LINGO2: variants seen among roughly 807,000 people sequenced by gnomAD.
The protein encoded by LINGO2 is leucine-rich repeat and immunoglobulin-like domain-containing nogo receptor-interacting protein 2.
LINGO2 carries 14 observed loss-of-function variants against 30.6 expected under a neutral mutation model. The ratio of observed to expected loss-of-function variants is 0.46; its 90% CI spans 0.30 to 0.72. The LOEUF (loss-of-function observed/expected upper bound fraction) is 0.72, where lower values mean the gene tolerates loss of function less well. Ranked by LOEUF, LINGO2 falls within the 30% of genes least tolerant of loss-of-function variation. LINGO2 has a pLI of 0.07. For missense variants in LINGO2, 729 were observed against 751.7 expected, an observed-to-expected ratio of 0.97 and a Z score of 0.35; for synonymous variants, 317 against 288.5, an observed-to-expected ratio of 1.10 and a Z score of -1.00.
chr9:28,042,073 A>G (rs1166922653), intron 4 of LINGO2, among the ~76,000 whole-genome samples: 1 of 152,212 alleles, frequency 6.6e-6, no homozygotes, highest in African/African-American at 2.4e-5. Flanking sequence ...AAATTTACCT[A>G]CATACATACT....
intron 4 of LINGO2, among the ~76,000 whole-genome samples, chr9:28,097,217 A>T (rs1826270050): frequency 6.6e-6 from 1 of 152,114 alleles, no homozygotes; most frequent in African/African-American, 2.4e-5. Flanking sequence ...AGAAATAGGA[A>T]CACTTTTACA....
At chr9:28,093,580 A>T (rs564047950) in intron 4 of LINGO2, among the ~76,000 whole-genome samples, 1 of 152,136 alleles carries the variant, frequency 6.6e-6, no homozygotes, top group Non-Finnish European at 1.5e-5. Flanking sequence ...TTTTCTAATT[A>T]ATTATTAATG....
the LINGO2 span, among the ~76,000 whole-genome samples, chr9:29,211,731 T>A: frequency 6.6e-6 from 1 of 152,034 alleles, no homozygotes; most frequent in African/African-American, 2.4e-5. Flanking sequence ...GTGGTACTCG[T>A]TTTCTCCACC....
intron 4 of LINGO2, among the ~76,000 whole-genome samples, chr9:28,054,488 G>T (rs75516240): frequency 6.6e-6 from 1 of 152,062 alleles, no homozygotes; most frequent in Non-Finnish European, 1.5e-5. Flanking sequence ...CTTAGCTAAC[G>T]TAGTATATAT....
chr9:28,124,666 T>A (rs1355843675), intron 4 of LINGO2, among the ~76,000 whole-genome samples: 1 of 152,200 alleles, frequency 6.6e-6, no homozygotes, highest in African/African-American at 2.4e-5. Context: ...CATCAGAAAT[T>A]CCCCATTGGC....
At chr9:29,193,630 T>G in the LINGO2 span, among the ~76,000 whole-genome samples, 6 of 152,208 alleles carry the variant, frequency 3.9e-5, no homozygotes, top group Admixed American at 2.6e-4. Flanking sequence ...CTTGGAAACC[T>G]GCAAAGGGCT....
the LINGO2 span, among the ~76,000 whole-genome samples, chr9:28,696,614 AAAGT>A: frequency 6.6e-6 from 1 of 151,866 alleles, no homozygotes; most frequent in African/African-American, 2.4e-5. Context: ...CTCTAAAAGA[AAAGT>A]AAGCCAAATG....
the LINGO2 span, among the ~76,000 whole-genome samples, chr9:28,823,718 AC>A: frequency 3.9e-5 from 6 of 152,178 alleles, no homozygotes; most frequent in Admixed American, 1.3e-4. Flanking sequence ...TGAACTGTCA[AC>A]CACCTGAATG....
the LINGO2 span, among the ~76,000 whole-genome samples, chr9:28,995,085 C>T: frequency 6.6e-6 from 1 of 151,776 alleles, no homozygotes. Context: ...AACAGGCAAC[C>T]TACAAAATGG....
intron 5 of LINGO2, among the ~76,000 whole-genome samples, chr9:27,978,277 A>G (rs1329635871): frequency 2.0e-5 from 3 of 152,118 alleles, no homozygotes; most frequent in Non-Finnish European, 2.9e-5. Flanking sequence ...CTGGAGGGAC[A>G]CTGAACATGT....
chr9:28,935,776 T>C, the LINGO2 span, among the ~76,000 whole-genome samples: 3 of 152,072 alleles, frequency 2.0e-5, no homozygotes, highest in Non-Finnish European at 1.5e-5. Flanking sequence ...TCTGATTACT[T>C]TATAATTCAT....
At chr9:28,370,759 G>A (rs1468099769) in intron 3 of LINGO2, among the ~76,000 whole-genome samples, 1 of 152,122 alleles carries the variant, frequency 6.6e-6, no homozygotes, top group East Asian at 1.9e-4. Context: ...ACTGTGGGAC[G>A]CCTCATGTTA....
At chr9:28,450,562 G>A (rs904605955) in intron 2 of LINGO2, among the ~76,000 whole-genome samples, 2 of 151,914 alleles carry the variant, frequency 1.3e-5, no homozygotes, top group African/African-American at 4.8e-5. Flanking sequence ...CTCAGAAAAT[G>A]ACCAAATAAA....
At chr9:28,066,759 C>A (rs908839041) in intron 4 of LINGO2, among the ~76,000 whole-genome samples, 4 of 151,922 alleles carry the variant, frequency 2.6e-5, no homozygotes, top group Admixed American at 2.6e-4. Context: ...CTCTGAATGC[C>A]CAATTTGCTT....
chr9:28,988,597 G>A, the LINGO2 span, among the ~76,000 whole-genome samples: 3 of 152,270 alleles, frequency 2.0e-5, no homozygotes, highest in Admixed American at 2.0e-4. Flanking sequence ...TTGTTGTATT[G>A]ATACATTACC....
chr9:28,636,616 A>G (rs1164502003), intron 1 of LINGO2, among the ~76,000 whole-genome samples: 3 of 152,148 alleles, frequency 2.0e-5, no homozygotes, highest in Non-Finnish European at 4.4e-5. Flanking sequence ...GGCTGCATAA[A>G]TGTCTTCTTT....
chr9:28,391,976 A>C (rs1431294981), intron 2 of LINGO2, among the ~76,000 whole-genome samples: 1 of 152,166 alleles, frequency 6.6e-6, no homozygotes, highest in East Asian at 1.9e-4. Flanking sequence ...TGGGAGGCCA[A>C]GGCGGATCAC....
intron 4 of LINGO2, among the ~76,000 whole-genome samples, chr9:28,222,816 T>C (rs1026323246): frequency 6.6e-6 from 1 of 152,080 alleles, no homozygotes; most frequent in Non-Finnish European, 1.5e-5. Context: ...CCACAGTAAG[T>C]TTCCAAAATC....
the LINGO2 span, among the ~76,000 whole-genome samples, chr9:28,825,243 C>G: frequency 6.6e-6 from 1 of 151,962 alleles, no homozygotes; most frequent in African/African-American, 2.4e-5. Context: ...GGTAGATTTT[C>G]TTGACTACAA....
Sources: allele counts gnomAD v4.1 joint callset (sites outside exome capture counted in the v4.1 genomes callset), GRCh38; gene constraint gnomAD v4.1.1; transcripts MANE v1.5; gene names NCBI Gene and HGNC (gene_info 2026-07-23, HGNC 2026-07-21).